Variants in KCNS3 observed in about 807,000 individuals in gnomAD.
The protein encoded by KCNS3 is delayed-rectifier potassium channel regulatory subunit KCNS3.
A neutral mutation model predicts 31.0 loss-of-function variants in KCNS3; 13 were observed. That is an observed-to-expected ratio of 0.42 (90% CI 0.27 to 0.67). The LOEUF is 0.67. Among genes scored for constraint, KCNS3 ranks in the 30% least tolerant of loss-of-function variants. KCNS3 has a pLI of 0.25. For missense variants in KCNS3, 545 were observed against 622.4 expected (o/e 0.88, Z 1.32); for synonymous variants, 238 against 241.5 (o/e 0.99, Z 0.13).
chr2:17,888,659 ATATATATATAT>A, intron 1 of KCNS3, among the ~76,000 whole-genome samples: 1 of 137,888 alleles, frequency 7.3e-6, no homozygotes, highest in Non-Finnish European at 1.6e-5. Context: ...ATATATATAT[ATATATATATAT>A]ATAAAGAAAA....
intron 2 of KCNS3, among the ~76,000 whole-genome samples, chr2:17,923,556 G>C (rs13010403): frequency 0.077 from 11,760 of 151,826 alleles, 513 homozygotes; most frequent in African/African-American, 0.11. Context: ...CCTAACTCAA[G>C]GTCATGAAAA....
At chr2:17,925,062 G>A (rs1662803226) in intron 2 of KCNS3, among the ~76,000 whole-genome samples, 1 of 152,136 alleles carries the variant, frequency 6.6e-6, no homozygotes, top group South Asian at 2.1e-4. Context: ...GAGTTAGTTT[G>A]TGTAGATCAT....
At chr2:17,920,928 A>G (rs557145075) in intron 2 of KCNS3, among the ~76,000 whole-genome samples, 1 of 152,376 alleles carries the variant, frequency 6.6e-6, no homozygotes, top group African/African-American at 2.4e-5. Flanking sequence ...CATTGTGGAA[A>G]GAGTCTGCCG....
At chr2:17,908,928 G>A (rs1205993198) in intron 1 of KCNS3, among the ~76,000 whole-genome samples, 1 of 152,250 alleles carries the variant, frequency 6.6e-6, no homozygotes, top group Non-Finnish European at 1.5e-5. Flanking sequence ...TGAGGAGGCA[G>A]TCTGTCCATT....
At chr2:17,910,998 C>G (rs1558455187) in intron 1 of KCNS3, among the ~76,000 whole-genome samples, 1 of 152,192 alleles carries the variant, frequency 6.6e-6, no homozygotes. Context: ...GTTCTTTTCT[C>G]TCCTTGGAGA....
At position 17,930,980 on chromosome 2, in the gene KCNS3, C is replaced by T. The variant is rs370612205; in HGVS notation, c.-29C>T. 1.3e-6 allele frequency: 2 copies of T among 1,595,142 alleles called. No individual in the cohort carries two copies. The highest frequency in any genetic ancestry group is 2.7e-5 in the African/African-American group (2 of 74,484). On this transcript the variant is annotated 5_prime_UTR_variant, in exon 3 of 3. Coordinates refer to ENST00000304101, the MANE Select transcript of KCNS3 (RefSeq NM_002252.5). ...GCCTGATCTTCCTCTTCTCCCTTGC[C>T]AGCCAGCACTCTGCCTTCTGTATCC... is the stretch of plus-strand genomic sequence containing the variant.
chr2:17,889,514 G>C (rs1232217386), intron 1 of KCNS3, among the ~76,000 whole-genome samples: 1 of 152,134 alleles, frequency 6.6e-6, no homozygotes, highest in African/African-American at 2.4e-5. Flanking sequence ...CCCGTTCTCA[G>C]AGAGAATGCT....
Position 17,884,722 on chromosome 2 carries a change from G to A in KCNS3, c.-252+5916G>A, listed in dbSNP as rs1337026240. Among the ~76,000 whole-genome samples the A allele has an allele frequency of 2.6e-5, 4 of 152,140 alleles. No individual in the cohort carries two copies. In the East Asian group the frequency reaches 7.7e-4, roughly 29 times the overall value. On this transcript the variant is annotated intron_variant, in intron 1 of 2. Transcript: ENST00000304101. ...GTTAGGGATGTGAGTCCAGCTCGTT[G>A]GTAAATTAACAGATATATACCTCTG...
At chr2:17,925,451 GTT>G (rs1437777709) in intron 2 of KCNS3, among the ~76,000 whole-genome samples, 4 of 152,156 alleles carry the variant, frequency 2.6e-5, no homozygotes, top group Non-Finnish European at 5.9e-5. Context: ...GTATTAATCT[GTT>G]TTCACGCTGC....
intron 2 of KCNS3, among the ~76,000 whole-genome samples, chr2:17,928,166 A>C (rs1330396598): frequency 1.3e-5 from 2 of 152,318 alleles, no homozygotes; most frequent in East Asian, 3.9e-4. Flanking sequence ...TGATCATAGT[A>C]TTCCTTTATA....
chr2:17,932,278 T>A lies in KCNS3; in HGVS notation c.1270T>A (p.Cys424Ser). The A allele has an allele frequency of 1.2e-6, 2 of 1,613,924 alleles. No individual in the cohort carries two copies. The highest frequency in any genetic ancestry group is 1.7e-6 in the Non-Finnish European group (2 of 1,179,816). Residue 424 changes from cysteine (C) to serine (S), a missense_variant, in exon 3 of 3, where the codon TGC becomes AGC. Transcript: ENST00000304101. ...QKQKDIDVDQCSEDAPEKCHE... is the reference protein window; with the variant it reads ...QKQKDIDVDQSSEDAPEKCHE... ...GCAAAAGGACATTGATGTGGACCAG[T>A]GCAGTGAGGATGCACCAGAGAAGTG...
Position 17,878,732 on chromosome 2 carries a change from C to G in KCNS3, c.-326C>G, listed in dbSNP as rs1166593345. The G allele has an allele frequency of 1.3e-5, 2 of 151,354 alleles. No homozygotes were observed. The highest frequency in any genetic ancestry group is 3.0e-5 in the Non-Finnish European group (2 of 67,748). 9.4% of individuals were successfully genotyped at this position (151,354 alleles called of 1,614,324 possible). A position where few individuals can be genotyped will look rare whatever the true frequency, so the allele number is the denominator to read the frequency against. ...CGGCGGCAGGCGCGGGGCCGCGCCG[C>G]GAGGCCTGATCCCTGCAGCGCGGGC... On this transcript the variant is annotated 5_prime_UTR_variant, in exon 1 of 3. Transcript: ENST00000304101.
intron 1 of KCNS3, among the ~76,000 whole-genome samples, chr2:17,896,482 G>A (rs1485618901): frequency 6.6e-6 from 1 of 151,866 alleles, no homozygotes; most frequent in East Asian, 1.9e-4. Context: ...ACGGGCCTCT[G>A]TCACCCAGAT....
intron 1 of KCNS3, among the ~76,000 whole-genome samples, chr2:17,888,155 C>T (rs1173051002): frequency 2.6e-5 from 4 of 152,108 alleles, no homozygotes; most frequent in Admixed American, 6.5e-5. Context: ...CTGACTGTTC[C>T]TTTTGCCATG....
chr2:17,887,488 T>TATCTATCTATCTATCC lies in KCNS3; in HGVS notation c.-252+8697_-252+8698insCATCTATCTATCTATC, dbSNP rs1204145888. The stretch of plus-strand genomic sequence containing the variant: ...CTGCGTTGTATTCTATCATATGATC[T>TATCTATCTATCTATCC]ATCTATCTATCTATCTATCTATCTA... On this transcript the variant is annotated intron_variant, in intron 1 of 2. Coordinates refer to ENST00000304101, the MANE Select transcript of KCNS3 (RefSeq NM_002252.5). Among the ~76,000 whole-genome samples, 1,196 of 141,422 alleles carry TATCTATCTATCTATCC rather than the reference T, an allele frequency of 8.5e-3. 12 individuals are homozygous for TATCTATCTATCTATCC. The highest frequency in any genetic ancestry group is 0.041 in the East Asian group (198 of 4,876). The allele number at this position is 141,422 out of a possible 152,430, so 92.8% of individuals were successfully genotyped here.
chr2:17,899,118 C>T (rs985099022), intron 1 of KCNS3, among the ~76,000 whole-genome samples: 1 of 152,004 alleles, frequency 6.6e-6, no homozygotes, highest in Non-Finnish European at 1.5e-5. Context: ...CCCAGCTGCT[C>T]AGGAGGCTGA....
At chr2:17,894,669 G>A (rs1661980382) in intron 1 of KCNS3, among the ~76,000 whole-genome samples, 1 of 152,178 alleles carries the variant, frequency 6.6e-6, no homozygotes, top group Non-Finnish European at 1.5e-5. Context: ...TTTCCCAAGT[G>A]TGCATTTGTA....
At chr2:17,887,523 C>CTATCTCTG (rs1358120458) in intron 1 of KCNS3, among the ~76,000 whole-genome samples, 1 of 151,368 alleles carries the variant, frequency 6.6e-6, no homozygotes, top group Non-Finnish European at 1.5e-5. Context: ...ATCTATCTAT[C>CTATCTCTG]TATCTATCTC....
At chr2:17,889,107 C>T (rs748239580) in intron 1 of KCNS3, among the ~76,000 whole-genome samples, 5 of 152,012 alleles carry the variant, frequency 3.3e-5, no homozygotes, top group East Asian at 1.9e-4. Flanking sequence ...TTCCTTTTAG[C>T]GGTGTTTTGT....
Sources: gnomAD v4.1 joint callset for allele counts (sites outside exome capture counted in the v4.1 genomes callset) on GRCh38, gnomAD v4.1.1 for gene constraint, MANE v1.5 for transcripts, NCBI Gene and HGNC (gene_info 2026-07-23, HGNC 2026-07-21) for gene names.